The following SLC35A5 variants were observed in gnomAD, a reference collection of about 807,000 sequenced individuals.
SLC35A5 encodes UDP-sugar transporter protein SLC35A5.
In SLC35A5, 28 loss-of-function variants were observed where a neutral mutation model predicts 36.3. The observed-to-expected ratio is 0.77, with a 90% CI of 0.57 to 1.06. The LOEUF (loss-of-function observed/expected upper bound fraction) is 1.06. Among genes scored for constraint, SLC35A5 ranks in the 50% least tolerant of loss-of-function variants. SLC35A5 has a pLI of 0.00. For missense variants in SLC35A5, 521 were observed against 499.3 expected, an observed-to-expected ratio of 1.04 and a Z score of -0.41; for synonymous variants, 180 against 173.7, an observed-to-expected ratio of 1.04 and a Z score of -0.29.
chr3:112,563,367 A>G lies in SLC35A5; in HGVS notation c.-19-18A>G. 1 of 1,436,304 alleles carries G rather than the reference A, an allele frequency of 7.0e-7. No homozygotes were observed. Among genetic ancestry groups the G allele is most frequent in the Non-Finnish European group, 9.3e-7 (1 of 1,075,202 alleles). The allele number at this position is 1,436,304 out of a possible 1,614,324, so 89.0% of individuals were successfully genotyped here. The stretch of plus-strand genomic sequence containing the variant: ...GTCTGCCAACAAGGTCGTTCATGAA[A>G]GTGTTTTTCTCTTTAAGGTAATTAA... On this transcript the variant is annotated intron_variant, in intron 1 of 6. Transcript: ENST00000492406.
In SLC35A5 at chr3:112,580,765, ATG is replaced by A. The variant is rs770005713; in HGVS notation, c.649_650del (p.Trp217GlufsTer30). The A allele has an allele frequency of 5.6e-6, 9 of 1,614,220 alleles. No individual in the cohort carries two copies. Among genetic ancestry groups the A allele is most frequent in the Non-Finnish European group, 7.6e-6 (9 of 1,180,012 alleles). On this transcript the variant is annotated frameshift_variant, in exon 6 of 7. Coordinates refer to ENST00000492406, the MANE Select transcript of SLC35A5 (RefSeq NM_017945.5). LOFTEE classifies it high-confidence loss of function. ...AKEWTFPEAKWNTTARVFSHI... is the reference protein window; with the variant it reads ...AKEWTFPEAKXNTTARVFSHI... ...AGGAATGGACTTTTCCTGAAGCTAA[ATG>A]GAACACCACAGCCAGAGTTTTCAGT...
rs1463524636 is a variant in SLC35A5 at position 112,585,308 on chromosome 3, A to G, written c.*2572A>G. The G allele has an allele frequency of 2.6e-5, 4 of 152,106 alleles. No individual in the cohort carries two copies. The highest frequency in any genetic ancestry group is 2.1e-4 in the South Asian group (1 of 4,828). The allele number at this position is 152,106 out of a possible 1,614,324, so 9.4% of individuals were successfully genotyped here. On this transcript the variant is annotated 3_prime_UTR_variant, in exon 7 of 7. Coordinates refer to ENST00000492406, the MANE Select transcript of SLC35A5 (RefSeq NM_017945.5). ...TGGGGGAAACTGCCCCCATGATTCA[A>G]TTACCCCCACCTGGTTCCTTCCTCA...
chr3:112,582,571 C>T (rs1366549551), intron 6 of SLC35A5, 100 bp from the exon 7 acceptor site: 1 of 749,980 alleles, frequency 1.3e-6, no homozygotes, highest in South Asian at 1.7e-5. Flanking sequence ...ATATCTATAG[C>T]TTAATGAGGT....
intron 4 of SLC35A5, among the ~76,000 whole-genome samples, chr3:112,571,034 C>T (rs544505875): frequency 6.6e-6 from 1 of 152,196 alleles, no homozygotes; most frequent in Non-Finnish European, 1.5e-5. Context: ...GAAAACTTCC[C>T]TGATTAACTC....
intron 5 of SLC35A5, among the ~76,000 whole-genome samples, chr3:112,579,357 C>A (rs1260584711): frequency 3.3e-5 from 5 of 152,042 alleles, no homozygotes; most frequent in Non-Finnish European, 7.4e-5. Context: ...ATTCTCACTT[C>A]TGGTTCCCAC....
chr3:112,574,630 T>A (rs912807646), intron 5 of SLC35A5, among the ~76,000 whole-genome samples: 8 of 151,944 alleles, frequency 5.3e-5, no homozygotes, highest in Non-Finnish European at 7.4e-5. Flanking sequence ...TACTTAATGA[T>A]AATGATTAAA....
In SLC35A5 at chr3:112,573,845, A is replaced by G. The variant is rs753886610; in HGVS notation, c.361-44A>G. The G allele has an allele frequency of 5.7e-5, 86 of 1,514,838 alleles. 1 individual carries two copies. Among genetic ancestry groups the G allele is most frequent in the Non-Finnish European group, 7.0e-5 (76 of 1,090,724 alleles). 93.8% of individuals were successfully genotyped at this position (1,514,838 alleles called of 1,614,324 possible). On this transcript the variant is annotated intron_variant, in intron 4 of 6. Transcript: ENST00000492406. ...GCCAAGCTAAGACATTTCTGAGGTC[A>G]GTACTTCATTTGGATTGTAACTCTA...
At chr3:112,568,417 G>A (rs1934294431) in intron 2 of SLC35A5, among the ~76,000 whole-genome samples, 1 of 152,230 alleles carries the variant, frequency 6.6e-6, no homozygotes, top group Non-Finnish European at 1.5e-5. Flanking sequence ...AAATTGTAAA[G>A]CGAGTTGTTT....
intron 2 of SLC35A5, chr3:112,564,456 T>A (rs1392414357): frequency 6.6e-6 from 1 of 152,278 alleles, no homozygotes; most frequent in Non-Finnish European, 1.5e-5. Context: ...ATGTCCCACC[T>A]CCAGCCCTAA....
intron 4 of SLC35A5, among the ~76,000 whole-genome samples, chr3:112,572,832 G>A (rs1188796968): frequency 1.3e-5 from 2 of 152,166 alleles, no homozygotes; most frequent in African/African-American, 4.8e-5. Flanking sequence ...GCATGGTTAG[G>A]CACTTTTGCA....
Position 112,582,695 on chromosome 3 carries a change from AC to A in SLC35A5, c.1236del (p.Lys413AsnfsTer23). 1.9e-6 allele frequency: 3 copies of A among 1,612,866 alleles called. No individual in the cohort carries two copies. Among genetic ancestry groups the A allele is most frequent in the Non-Finnish European group, 2.5e-6 (3 of 1,179,188 alleles). ...SGDGEELERL[T>X]KPKSDESDED... is the part of the protein sequence containing the mutation. The stretch of plus-strand genomic sequence containing the variant: ...GGATGGAGAAGAACTAGAAAGACTT[AC>A]CAAACCCAAGAGTGATGAGTCAGAT... On this transcript the variant is annotated frameshift_variant, in exon 7 of 7. Coordinates refer to ENST00000492406, the MANE Select transcript of SLC35A5 (RefSeq NM_017945.5). LOFTEE classifies it high-confidence loss of function.
upstream of SLC35A5, chr3:112,561,723 C>A: frequency 1.7e-6 from 1 of 587,668 alleles, no homozygotes; most frequent in Non-Finnish European, 2.9e-6. Flanking sequence ...CGCGCGAAGA[C>A]GGGGTGCGCG....
In SLC35A5 at chr3:112,573,801, T is replaced by G. The variant is rs913866755; in HGVS notation, c.361-88T>G. Reference sequence around the variant, plus strand: ...CCCCTCTGTTTTTTGACCAAAAAGCTTTTTTTGTCAGGTGAACTGCCAAGC... The same window carrying G: ...CCCCTCTGTTTTTTGACCAAAAAGCGTTTTTTGTCAGGTGAACTGCCAAGC... On this transcript the variant is annotated intron_variant, in intron 4 of 6. Coordinates refer to ENST00000492406, the MANE Select transcript of SLC35A5 (RefSeq NM_017945.5). 24 of 1,092,756 alleles carry G rather than the reference T, an allele frequency of 2.2e-5. No homozygotes were observed. In the East Asian group the frequency reaches 5.5e-4, roughly 25 times the overall value. The allele number at this position is 1,092,756 out of a possible 1,614,324, so 67.7% of individuals were successfully genotyped here.
Position 112,582,745 on chromosome 3 carries a change from C to T in SLC35A5, c.*9C>T. 1 of 1,607,572 alleles carries T rather than the reference C, an allele frequency of 6.2e-7. No individual in the cohort carries two copies. The highest frequency in any genetic ancestry group is 8.5e-7 in the Non-Finnish European group (1 of 1,174,790). On this transcript the variant is annotated 3_prime_UTR_variant, in exon 7 of 7. Coordinates refer to ENST00000492406, the MANE Select transcript of SLC35A5 (RefSeq NM_017945.5). The stretch of plus-strand genomic sequence containing the variant: ...ATGAAGATACTTTCTAACTGGTACC[C>T]ACATAGTTTGCAGCTCTCTTGAACC...
intron 2 of SLC35A5, among the ~76,000 whole-genome samples, chr3:112,565,901 T>C (rs1383095918): frequency 1.3e-5 from 2 of 152,190 alleles, no homozygotes; most frequent in Non-Finnish European, 2.9e-5. Flanking sequence ...CCTTAGTCTC[T>C]AGGCCAGTCT....
At chr3:112,580,013 T>A (rs189844402) in intron 5 of SLC35A5, among the ~76,000 whole-genome samples, 160 of 152,356 alleles carry the variant, frequency 1.1e-3, no homozygotes, top group Middle Eastern at 6.8e-3. Flanking sequence ...AGTTTGCTGT[T>A]TAATGCTCTA....
In SLC35A5 at chr3:112,563,368, G is replaced by A. The variant is rs1193656827; in HGVS notation, c.-19-17G>A. On this transcript the variant is annotated splice_polypyrimidine_tract_variant and intron_variant, in intron 1 of 6. Transcript: ENST00000492406. ...TCTGCCAACAAGGTCGTTCATGAAAGTGTTTTTCTCTTTAAGGTAATTAAA... is the reference window on the plus strand; with the variant it reads ...TCTGCCAACAAGGTCGTTCATGAAAATGTTTTTCTCTTTAAGGTAATTAAA... 2 of 1,440,040 alleles carry A rather than the reference G, an allele frequency of 1.4e-6. No individual in the cohort carries two copies. The highest frequency in any genetic ancestry group is 2.5e-5 in the East Asian group (1 of 39,574). The allele number at this position is 1,440,040 out of a possible 1,614,324, so 89.2% of individuals were successfully genotyped here. A position where few individuals can be genotyped will look rare whatever the true frequency, so the allele number is the denominator to read the frequency against.
rs562242053 is a variant in SLC35A5, at chr3:112,572,216, A to G, written c.360+1546A>G. 6.6e-5 allele frequency among the ~76,000 whole-genome samples: 10 copies of G among 151,826 alleles called. No homozygotes were observed. The South Asian group carries it at 2.1e-3, about 32-fold the overall frequency. ...CTCGGCCTCCCAAAGTGCTGGGATT[A>G]CAGGCGTGAGCCACCGTGCCCGGCC... is the stretch of plus-strand genomic sequence containing the variant. On this transcript the variant is annotated intron_variant, in intron 4 of 6. Coordinates refer to ENST00000492406, the MANE Select transcript of SLC35A5 (RefSeq NM_017945.5).
upstream of SLC35A5, chr3:112,561,848 C>T (rs1441086205): frequency 1.1e-5 from 4 of 362,622 alleles, no homozygotes; most frequent in Non-Finnish European, 1.5e-5. Flanking sequence ...ACACGCACCC[C>T]TCGCCCTCTG....
Sources: allele counts gnomAD v4.1 joint callset (sites outside exome capture counted in the v4.1 genomes callset), GRCh38; gene constraint gnomAD v4.1.1; transcripts MANE v1.5; gene names NCBI Gene and HGNC (gene_info 2026-07-23, HGNC 2026-07-21).